ZDHHC14: variants seen among roughly 807,000 people sequenced by gnomAD.
ZDHHC14 encodes the protein palmitoyltransferase ZDHHC14.
A neutral mutation model predicts 47.7 loss-of-function variants in ZDHHC14; 16 were observed. The observed-to-expected ratio is 0.34, with a 90% CI of 0.23 to 0.51. The LOEUF (loss-of-function observed/expected upper bound fraction) is 0.51. ZDHHC14 is among the 20% of genes least tolerant of loss of function. ZDHHC14 has a pLI of 0.97. For synonymous variants in ZDHHC14, 293 were observed against 278.9 expected, an observed-to-expected ratio of 1.05 and a Z score of -0.50; for missense variants, 515 against 662.5, an observed-to-expected ratio of 0.78 and a Z score of 2.44.
At position 157,387,605 on chromosome 6, in the gene ZDHHC14, C is replaced by A. The variant is rs530295835; in HGVS notation, c.245+5339C>A. Among the ~76,000 whole-genome samples the A allele has an allele frequency of 2.0e-5, 3 of 152,308 alleles. No homozygotes were observed. In the East Asian group the frequency reaches 5.8e-4, roughly 29 times the overall value. On this transcript the variant is annotated intron_variant, in intron 1 of 8. Transcript: ENST00000359775. ...TGCCTAGGAACATAGTACATGGAGC[C>A]AAGGATGTTTATAACCCACTGTGGT...
intron 1 of ZDHHC14, among the ~76,000 whole-genome samples, chr6:157,520,937 A>C (rs1780888819): frequency 6.6e-6 from 1 of 152,194 alleles, no homozygotes; most frequent in South Asian, 2.1e-4. Context: ...CCATTTTTTT[A>C]ATTTAGAGGG....
At chr6:157,461,015 G>A (rs1779069336) in intron 1 of ZDHHC14, among the ~76,000 whole-genome samples, 1 of 152,232 alleles carries the variant, frequency 6.6e-6, no homozygotes, top group Non-Finnish European at 1.5e-5. Flanking sequence ...CTGACTGGCA[G>A]CCACAGCAAT....
At chr6:157,655,895 C>T (rs1327033931) in intron 8 of ZDHHC14, among the ~76,000 whole-genome samples, 3 of 152,228 alleles carry the variant, frequency 2.0e-5, no homozygotes, top group East Asian at 3.8e-4. Context: ...CCAAGCTCTA[C>T]ACTTTGTTGA....
intron 1 of ZDHHC14, among the ~76,000 whole-genome samples, chr6:157,486,416 T>G (rs1449926584): frequency 6.6e-6 from 1 of 152,230 alleles, no homozygotes; most frequent in African/African-American, 2.4e-5. Flanking sequence ...AAGCAATGGA[T>G]AAGACAAATG....
intron 5 of ZDHHC14, among the ~76,000 whole-genome samples, chr6:157,633,553 G>C (rs1262304664): frequency 6.6e-6 from 1 of 152,116 alleles, no homozygotes; most frequent in East Asian, 1.9e-4. Flanking sequence ...ATACAGATGG[G>C]ACCCCCTGAT....
At chr6:157,398,085 G>GC (rs772680612) in intron 1 of ZDHHC14, among the ~76,000 whole-genome samples, 1,701 of 71,378 alleles carry the variant, frequency 0.024, 40 homozygotes, top group African/African-American at 0.076. Flanking sequence ...CAGCTCCCCA[G>GC]CCCCCCCCGG....
At chr6:157,542,467 T>C (rs1474580921) in intron 1 of ZDHHC14, 118 bp from the exon 2 acceptor site, 9 of 1,341,658 alleles carry the variant, frequency 6.7e-6, no homozygotes, top group African/African-American at 1.5e-5. Context: ...GGAAATCAAT[T>C]TCTCTCCTCC....
At chr6:157,624,569 A>G (rs1273400094) in intron 3 of ZDHHC14, among the ~76,000 whole-genome samples, 1 of 152,232 alleles carries the variant, frequency 6.6e-6, no homozygotes, top group Non-Finnish European at 1.5e-5. Context: ...AGCACCTGAT[A>G]CAGTGCTGGG....
At chr6:157,566,405 C>A (rs1434049058) in intron 2 of ZDHHC14, among the ~76,000 whole-genome samples, 1 of 152,162 alleles carries the variant, frequency 6.6e-6, no homozygotes, top group Non-Finnish European at 1.5e-5. Flanking sequence ...CCCCAGAGCA[C>A]AAAATGGCCA....
chr6:157,629,531 T>G (rs544072874), intron 4 of ZDHHC14: 4 of 144,516 alleles, frequency 2.8e-5, no homozygotes, highest in Non-Finnish European at 3.0e-5. Flanking sequence ...CGTATGGGGG[T>G]GGGGAAGTGG....
intron 1 of ZDHHC14, among the ~76,000 whole-genome samples, chr6:157,424,259 C>T (rs568977266): frequency 1.2e-4 from 18 of 151,988 alleles, no homozygotes; most frequent in African/African-American, 4.4e-4. Context: ...AGGGATATTG[C>T]TGTGATAAAA....
intron 3 of ZDHHC14, among the ~76,000 whole-genome samples, chr6:157,627,388 C>T (rs973335939): frequency 2.0e-5 from 3 of 152,134 alleles, no homozygotes; most frequent in African/African-American, 7.2e-5. Flanking sequence ...CGGTGTCCTC[C>T]CCAGCCGCCA....
chr6:157,414,017 A>C (rs563903667), intron 1 of ZDHHC14, among the ~76,000 whole-genome samples: 1 of 152,012 alleles, frequency 6.6e-6, no homozygotes, highest in East Asian at 1.9e-4. Flanking sequence ...GCTCACCATA[A>C]CCTCCAACTC....
chr6:157,456,938 C>T (rs1481919549), intron 1 of ZDHHC14, among the ~76,000 whole-genome samples: 1 of 151,894 alleles, frequency 6.6e-6, no homozygotes, highest in Admixed American at 6.6e-5. Flanking sequence ...CACCTGATGT[C>T]AGGAGTTCGA....
intron 8 of ZDHHC14, among the ~76,000 whole-genome samples, chr6:157,657,092 A>G (rs572813211): frequency 6.6e-6 from 1 of 152,016 alleles, no homozygotes; most frequent in East Asian, 1.9e-4. Context: ...TCTGTCGCCC[A>G]GGCTGAAGTG....
intron 1 of ZDHHC14, among the ~76,000 whole-genome samples, chr6:157,491,713 G>T (rs1313238636): frequency 3.3e-5 from 5 of 152,300 alleles, no homozygotes; most frequent in Admixed American, 2.6e-4. Flanking sequence ...GCTCTGGCTT[G>T]AGTCTCACTA....
intron 1 of ZDHHC14, among the ~76,000 whole-genome samples, chr6:157,492,206 G>GCGCCCC (rs1779940800): frequency 1.7e-4 from 14 of 82,462 alleles, no homozygotes; most frequent in African/African-American, 5.5e-4. Context: ...CTCCGCCCCC[G>GCGCCCC]CCCCCCAGCC....
At position 157,403,540 on chromosome 6, in the gene ZDHHC14, T is replaced by C. The variant is rs575466751; in HGVS notation, c.245+21274T>C. Reference sequence around the variant, plus strand: ...ACAATTATTCCCTGCACTATTGTTCTCTGCCTTAAGCATTAGAAAAGGGTT... The same window carrying C: ...ACAATTATTCCCTGCACTATTGTTCCCTGCCTTAAGCATTAGAAAAGGGTT... On this transcript the variant is annotated intron_variant, in intron 1 of 8. Coordinates refer to ENST00000359775, the MANE Select transcript of ZDHHC14 (RefSeq NM_024630.3). 2.0e-5 allele frequency among the ~76,000 whole-genome samples: 3 copies of C among 152,376 alleles called. No homozygotes were observed. In the South Asian group the frequency reaches 6.2e-4, roughly 32 times the overall value.
chr6:157,534,379 C>A (rs1781467108), intron 1 of ZDHHC14, among the ~76,000 whole-genome samples: 1 of 152,160 alleles, frequency 6.6e-6, no homozygotes, highest in Admixed American at 6.5e-5. Context: ...AAAACATTCA[C>A]CTGAACCAGG....
Sources: gnomAD v4.1 joint callset for allele counts (sites outside exome capture counted in the v4.1 genomes callset) on GRCh38, gnomAD v4.1.1 for gene constraint, MANE v1.5 for transcripts, NCBI Gene and HGNC (gene_info 2026-07-23, HGNC 2026-07-21) for gene names.